Variants in HHAT observed in about 807,000 individuals in gnomAD.
HHAT encodes hedgehog acyltransferase.
In HHAT, 47 loss-of-function variants were observed where a neutral mutation model predicts 70.8. The observed-to-expected ratio is 0.66, with a 90% confidence interval of 0.53 to 0.85. The LOEUF is 0.85. HHAT is among the 40% of genes least tolerant of loss of function. The pLI is 0.00. For missense variants in HHAT, 609 were observed against 604.8 expected (o/e 1.01, Z -0.07); for synonymous variants, 228 against 247.6 (o/e 0.92, Z 0.74).
chr1:210,332,975 CTG>C (rs1296556327), intron 1 of HHAT, among the ~76,000 whole-genome samples: 9 of 152,294 alleles, frequency 5.9e-5, no homozygotes, highest in Non-Finnish European at 1.3e-4. Context: ...CTTACCAAAA[CTG>C]TGACTGAGAC....
At chr1:210,615,524 G>T (rs1470639712) in intron 10 of HHAT, among the ~76,000 whole-genome samples, 2 of 152,174 alleles carry the variant, frequency 1.3e-5, no homozygotes, top group African/African-American at 4.8e-5. Flanking sequence ...CTGATTTTTA[G>T]AATTTTCAGT....
chr1:210,647,372 C>T (rs985175385), intron 11 of HHAT, among the ~76,000 whole-genome samples: 3 of 152,178 alleles, frequency 2.0e-5, no homozygotes, highest in Non-Finnish European at 2.9e-5. Flanking sequence ...ACATACCTTT[C>T]GGGGGACACA....
intron 7 of HHAT, among the ~76,000 whole-genome samples, chr1:210,431,375 A>C (rs1007059671): frequency 6.6e-6 from 1 of 151,806 alleles, no homozygotes; most frequent in African/African-American, 2.4e-5. Flanking sequence ...CAGGGTAAAG[A>C]CATGCACGAC....
intron 11 of HHAT, among the ~76,000 whole-genome samples, chr1:210,660,534 T>G (rs1437024832): frequency 2.0e-5 from 3 of 152,166 alleles, no homozygotes; most frequent in Non-Finnish European, 2.9e-5. Context: ...AAGGTACCAA[T>G]GACTTTCTTC....
At chr1:210,372,108 G>A (rs1384280596) in intron 3 of HHAT, among the ~76,000 whole-genome samples, 3 of 152,212 alleles carry the variant, frequency 2.0e-5, no homozygotes, top group Admixed American at 2.0e-4. Flanking sequence ...TGGCTGATGT[G>A]TGAAGTATTT....
intron 7 of HHAT, among the ~76,000 whole-genome samples, chr1:210,435,160 C>T (rs1045170724): frequency 3.3e-5 from 5 of 151,816 alleles, no homozygotes; most frequent in African/African-American, 9.7e-5. Flanking sequence ...TGGTAAATCA[C>T]CAATCTACTC....
chr1:210,597,285 A>T (rs1023583978), intron 10 of HHAT, among the ~76,000 whole-genome samples: 3 of 152,208 alleles, frequency 2.0e-5, no homozygotes, highest in African/African-American at 7.2e-5. Flanking sequence ...ACCTGAAGCT[A>T]GCACAGTACT....
chr1:210,548,727 G>A (rs1448678891), intron 9 of HHAT, among the ~76,000 whole-genome samples: 1 of 152,212 alleles, frequency 6.6e-6, no homozygotes, highest in African/African-American at 2.4e-5. Flanking sequence ...CTTGTTAATG[G>A]TATTAATTGA....
chr1:210,404,750 T>A, intron 6 of HHAT, 71 bp downstream of exon 6: 1 of 1,284,628 alleles, frequency 7.8e-7, no homozygotes, highest in Non-Finnish European at 1.1e-6. Context: ...TGGTCTTCTC[T>A]GACTCTTGAG....
chr1:210,380,642 C>T (rs1018235804), intron 3 of HHAT, among the ~76,000 whole-genome samples: 1 of 152,174 alleles, frequency 6.6e-6, no homozygotes, highest in Non-Finnish European at 1.5e-5. Flanking sequence ...AGGCAAGGGA[C>T]ACCGAGTCCA....
chr1:210,515,231 C>A (rs1482527060), intron 9 of HHAT, among the ~76,000 whole-genome samples: 6 of 152,206 alleles, frequency 3.9e-5, no homozygotes, highest in Non-Finnish European at 7.3e-5. Context: ...GTTTTGCAGG[C>A]ATCCCTAGCC....
intron 8 of HHAT, among the ~76,000 whole-genome samples, chr1:210,490,423 C>G (rs1463064413): frequency 1.3e-5 from 2 of 152,146 alleles, no homozygotes; most frequent in African/African-American, 4.8e-5. Flanking sequence ...CTTGGTTCTC[C>G]CCATTTGAAG....
At chr1:210,608,161 TC>T (rs1429988209) in intron 10 of HHAT, among the ~76,000 whole-genome samples, 1 of 152,172 alleles carries the variant, frequency 6.6e-6, no homozygotes, top group Admixed American at 6.5e-5. Context: ...TCGAGATTCC[TC>T]GTACATGTGT....
chr1:210,646,378 T>C (rs1049619378), intron 11 of HHAT, among the ~76,000 whole-genome samples: 3 of 152,332 alleles, frequency 2.0e-5, no homozygotes, highest in Non-Finnish European at 4.4e-5. Context: ...GTTCCTGTTT[T>C]CTAATCTCCA....
intron 8 of HHAT, among the ~76,000 whole-genome samples, chr1:210,479,513 T>C (rs1474312589): frequency 6.6e-6 from 1 of 152,222 alleles, no homozygotes; most frequent in Admixed American, 6.5e-5. Context: ...CATCTCCATT[T>C]TATTGATGAG....
chr1:210,376,014 A>ATTTTTTTTTTTTTTTTTTTT (rs57707354), intron 3 of HHAT, among the ~76,000 whole-genome samples: 2 of 108,908 alleles, frequency 1.8e-5, no homozygotes, highest in African/African-American at 3.7e-5. Flanking sequence ...TGCACAGCTA[A>ATTTTTTTTTTTTTTTTTTTT]TTTTTTTTTT....
chr1:210,355,354 T>G (rs1241475292), intron 2 of HHAT, among the ~76,000 whole-genome samples: 1 of 152,214 alleles, frequency 6.6e-6, no homozygotes, highest in African/African-American at 2.4e-5. Flanking sequence ...AATGGAAATC[T>G]CTGTATAGTG....
intron 9 of HHAT, among the ~76,000 whole-genome samples, chr1:210,531,802 G>A (rs187866292): frequency 4.6e-5 from 7 of 152,272 alleles, no homozygotes; most frequent in East Asian, 3.9e-4. Context: ...AAGAAATATC[G>A]ACATAACTGT....
intron 11 of HHAT, among the ~76,000 whole-genome samples, chr1:210,663,494 C>T (rs1678214516): frequency 6.6e-6 from 1 of 152,206 alleles, no homozygotes; most frequent in Non-Finnish European, 1.5e-5. Context: ...GGGAAAGCTA[C>T]TTCTCCGAGC....
Sources: gnomAD v4.1 joint callset for allele counts (sites outside exome capture counted in the v4.1 genomes callset) on GRCh38, gnomAD v4.1.1 for gene constraint, MANE v1.5 for transcripts, NCBI Gene and HGNC (gene_info 2026-07-23, HGNC 2026-07-21) for gene names.